Variants in DNAH3 observed in about 807,000 individuals in gnomAD.
DNAH3 encodes dynein axonemal heavy chain 3, also known as axonemal beta dynein heavy chain 3.
In DNAH3, 332 loss-of-function variants were observed where a neutral mutation model predicts 432.5. That is an observed-to-expected ratio of 0.77 (90% confidence interval 0.70 to 0.84). The LOEUF is 0.84. Ranked by LOEUF, DNAH3 falls within the 40% of genes least tolerant of loss-of-function variation. The pLI is 0.00. For missense variants in DNAH3, 4,861 were observed against 5,114.0 expected (o/e 0.95, Z 1.51); for synonymous variants, 1,956 against 1,900.2 (o/e 1.03, Z -0.76).
chr16:21,106,821 G>A (rs1424292254), intron 14 of DNAH3, 147 bp from the exon 15 acceptor site: 3 of 575,666 alleles, frequency 5.2e-6, no homozygotes, highest in Non-Finnish European at 8.4e-6. Flanking sequence ...TTCCCTGCCT[G>A]CAAATCCTTG....
chr16:20,981,122 T>C (rs1222789075), intron 49 of DNAH3, among the ~76,000 whole-genome samples: 2 of 152,222 alleles, frequency 1.3e-5, no homozygotes, highest in Admixed American at 6.5e-5. Context: ...CTGAGTTAAC[T>C]GTAATGATGC....
At chr16:20,979,775 T>G (rs1200921336) in intron 49 of DNAH3, among the ~76,000 whole-genome samples, 1 of 152,092 alleles carries the variant, frequency 6.6e-6, no homozygotes, top group South Asian at 2.1e-4. Context: ...ATTGAGACAG[T>G]GTCTCTCTCT....
intron 3 of DNAH3, among the ~76,000 whole-genome samples, chr16:21,144,502 G>C (rs1396960373): frequency 6.6e-6 from 1 of 152,098 alleles, no homozygotes; most frequent in East Asian, 1.9e-4. Flanking sequence ...TTTAGATGAT[G>C]GTGGCCTTGG....
chr16:21,005,519 C>T (rs1405177433), intron 41 of DNAH3, among the ~76,000 whole-genome samples: 3 of 152,092 alleles, frequency 2.0e-5, no homozygotes, highest in African/African-American at 7.2e-5. Context: ...GCTGGGACCA[C>T]AGGCACACGC....
At chr16:20,945,532 C>T (rs1433012187) in intron 57 of DNAH3, among the ~76,000 whole-genome samples, 2 of 151,338 alleles carry the variant, frequency 1.3e-5, no homozygotes, top group Non-Finnish European at 2.9e-5. Flanking sequence ...TTGCTGTCTG[C>T]CAGGCTGGAG....
intron 16 of DNAH3, among the ~76,000 whole-genome samples, chr16:21,103,616 T>C (rs1426738067): frequency 6.6e-6 from 1 of 152,180 alleles, no homozygotes; most frequent in Admixed American, 6.5e-5. Flanking sequence ...ATTTTCCAGG[T>C]AGCAACTACA....
chr16:21,125,437 C>T (rs1028429242), intron 8 of DNAH3, 67 bp from the exon 10 acceptor site: 5 of 1,381,676 alleles, frequency 3.6e-6, no homozygotes, highest in South Asian at 1.6e-5. Flanking sequence ...CTTGCCGTGC[C>T]CCCTGAGCTC....
chr16:21,090,372 C>CA lies in DNAH3; in HGVS notation c.2666-3313dup, dbSNP rs113846329. Among the ~76,000 whole-genome samples the CA allele has an allele frequency of 9.6e-3, 1,092 of 114,324 alleles. 2 individuals are homozygous for CA. Among genetic ancestry groups the CA allele is most frequent in the Admixed American group, 0.016 (173 of 10,952 alleles). The allele number at this position is 114,324 out of a possible 152,430, so 75.0% of individuals were successfully genotyped here. ...ATACAAAAACCACACAGATACATTA[C>CA]AAAAAAAAAAAAAACCCTACAGACC... On this transcript the variant is annotated intron_variant, in intron 18 of 61. Transcript: ENST00000261383.
chr16:21,036,847 C>T (rs1025778814), exon 35 of DNAH3: 1 of 1,607,222 alleles, frequency 6.2e-7, no homozygotes, highest in Non-Finnish European at 8.5e-7. Context: ...AGATATAATT[C>T]CCTGTTAAAA....
intron 37 of DNAH3, among the ~76,000 whole-genome samples, chr16:21,030,444 T>C (rs1436392840): frequency 6.6e-6 from 1 of 152,136 alleles, no homozygotes; most frequent in Admixed American, 6.5e-5. Context: ...AATATGATTG[T>C]GCCACCAGGC....
chr16:20,977,307 G>A (rs1221057144), intron 50 of DNAH3, among the ~76,000 whole-genome samples: 1 of 152,164 alleles, frequency 6.6e-6, no homozygotes, highest in Non-Finnish European at 1.5e-5. Context: ...AATGCGGGAG[G>A]TGGAGGTTGC....
intron 44 of DNAH3, 25 bp from the exon 45 acceptor site, chr16:20,988,090 A>C: frequency 6.2e-7 from 1 of 1,612,748 alleles, no homozygotes; most frequent in Non-Finnish European, 8.5e-7. Context: ...ACACAAGTGA[A>C]TCATCCTGGA....
chr16:21,034,487 C>A (rs1048788921), intron 35 of DNAH3, among the ~76,000 whole-genome samples: 36 of 152,100 alleles, frequency 2.4e-4, no homozygotes, highest in African/African-American at 8.0e-4. Flanking sequence ...GACTTTAACG[C>A]CTCTAATATT....
At chr16:21,040,471 T>C (rs1254684931) in intron 32 of DNAH3, among the ~76,000 whole-genome samples, 1 of 149,682 alleles carries the variant, frequency 6.7e-6, no homozygotes, top group Non-Finnish European at 1.5e-5. Flanking sequence ...TTCAAGCGAT[T>C]CTCGTGCCTC....
At chr16:21,113,295 T>C (rs771533780) in intron 12 of DNAH3, among the ~76,000 whole-genome samples, 7 of 152,168 alleles carry the variant, frequency 4.6e-5, no homozygotes, top group Non-Finnish European at 8.8e-5. Context: ...TGGTAGTGAA[T>C]AAGTCTGGTG....
At chr16:20,957,305 A>G (rs1192185006) in intron 54 of DNAH3, among the ~76,000 whole-genome samples, 1 of 152,214 alleles carries the variant, frequency 6.6e-6, no homozygotes, top group Non-Finnish European at 1.5e-5. Context: ...AAAAGTAGCC[A>G]TAGACAATAT....
At chr16:21,095,282 CTATT>C (rs1460460115) in intron 18 of DNAH3, among the ~76,000 whole-genome samples, 1 of 152,144 alleles carries the variant, frequency 6.6e-6, no homozygotes, top group Non-Finnish European at 1.5e-5. Context: ...TACAGCATCT[CTATT>C]TATAATAGTC....
rs771044142 is a variant in DNAH3 at position 21,075,560 on chromosome 16, A to G, written c.2971T>C (p.Leu991=). ...CTGGCAGCTGCACCAATGGGCTCCAATCTAAAGAGAGAACACAGCAACAGC... is the reference window on the plus strand; with the variant it reads ...CTGGCAGCTGCACCAATGGGCTCCAGTCTAAAGAGAGAACACAGCAACAGC... Residue 991 remains leucine, a splice_region_variant and synonymous_variant, in exon 21 of 62, where the codon TTG becomes CTG. Coordinates refer to ENST00000261383, the Ensembl canonical transcript of DNAH3. The G allele has an allele frequency of 1.9e-6, 3 of 1,610,766 alleles. No homozygotes were observed. The African/African-American group carries it at 4.0e-5, about 22-fold the overall frequency.
intron 25 of DNAH3, among the ~76,000 whole-genome samples, chr16:21,060,724 A>C (rs1433310576): frequency 1.3e-5 from 2 of 149,458 alleles, no homozygotes; most frequent in Admixed American, 6.7e-5. Context: ...ACGGGGTTTC[A>C]CCATGTTGGC....
Sources: allele counts gnomAD v4.1 joint callset (sites outside exome capture counted in the v4.1 genomes callset), GRCh38; gene constraint gnomAD v4.1.1; transcripts MANE v1.5; gene names NCBI Gene and HGNC (gene_info 2026-07-23, HGNC 2026-07-21).